The following ERBB4 variants were observed in gnomAD, a reference collection of about 807,000 sequenced individuals.
ERBB4 encodes the protein erb-b2 receptor tyrosine kinase 4.
Under a neutral mutation model 158.0 loss-of-function variants are expected in ERBB4, and 42 were observed. That is an observed-to-expected ratio of 0.27 (90% CI 0.21 to 0.34). The LOEUF is 0.34. Ranked by LOEUF, ERBB4 falls within the 10% of genes least tolerant of loss-of-function variation. The probability of loss-of-function intolerance (pLI) is 1.00; values close to 1 mark genes in which losing one functional copy is unlikely to be tolerated. For synonymous variants in ERBB4, 583 were observed against 558.7 expected (o/e 1.04, Z -0.61); for missense variants, 1,333 against 1,624.1 (o/e 0.82, Z 3.08).
intron 20 of ERBB4, among the ~76,000 whole-genome samples, chr2:211,517,580 G>C (rs546756474): frequency 1.8e-4 from 28 of 152,208 alleles, no homozygotes; most frequent in African/African-American, 6.3e-4. Context: ...CATGGTCCCT[G>C]CCTTCATAAA....
intron 20 of ERBB4, among the ~76,000 whole-genome samples, chr2:211,541,357 T>A (rs2066804172): frequency 6.6e-6 from 1 of 151,932 alleles, no homozygotes; most frequent in Admixed American, 6.6e-5. Flanking sequence ...CCTACTCAGG[T>A]TTTAAAGTCC....
In ERBB4 at chr2:212,143,220, A is replaced by T. The variant is rs372522236; in HGVS notation, c.83-18317T>A. On this transcript the variant is annotated intron_variant, in intron 1 of 27. Coordinates refer to ENST00000342788, the MANE Select transcript of ERBB4 (RefSeq NM_005235.3). ...TAATTTAACTGTTTTGTCAATTCAG[A>T]TTTCAAAGATCATGCTTGCTTAAAT... Among the ~76,000 whole-genome samples the T allele has an allele frequency of 1.1e-4, 16 of 152,276 alleles. No individual in the cohort carries two copies. In the East Asian group the frequency reaches 3.1e-3, roughly 29 times the overall value.
At chr2:212,519,478 A>G (rs999806156) in intron 1 of ERBB4, among the ~76,000 whole-genome samples, 1 of 151,908 alleles carries the variant, frequency 6.6e-6, no homozygotes, top group Non-Finnish European at 1.5e-5. Context: ...GATAAAGGAT[A>G]AATAAAATGG....
At chr2:212,314,995 T>A (rs1316443478) in intron 1 of ERBB4, among the ~76,000 whole-genome samples, 1 of 151,312 alleles carries the variant, frequency 6.6e-6, no homozygotes, top group Non-Finnish European at 1.5e-5. Flanking sequence ...TAGTCACAGC[T>A]TGAGGTATCT....
chr2:211,821,843 A>T (rs542512753), intron 3 of ERBB4, among the ~76,000 whole-genome samples: 1 of 152,136 alleles, frequency 6.6e-6, no homozygotes, highest in East Asian at 1.9e-4. Context: ...CTCATGCTAG[A>T]TATAGTTAAT....
rs1261797900 is a variant in ERBB4 at position 211,375,718 on chromosome 2, A to C, written c.*7897T>G. ...TAACAAATTTCTGACACAAAAGAGAACGTTTGTTTCATATTTTATTGAATT... is the reference window on the plus strand; with the variant it reads ...TAACAAATTTCTGACACAAAAGAGACCGTTTGTTTCATATTTTATTGAATT... On this transcript the variant is annotated 3_prime_UTR_variant, in exon 28 of 28. Coordinates refer to ENST00000342788, the MANE Select transcript of ERBB4 (RefSeq NM_005235.3). The C allele has an allele frequency of 1.8e-5, 4 of 225,120 alleles. No homozygotes were observed. The highest frequency in any genetic ancestry group is 3.5e-5 in the Non-Finnish European group (4 of 112,754). 13.9% of individuals were successfully genotyped at this position (225,120 alleles called of 1,614,324 possible). A position where few individuals can be genotyped will look rare whatever the true frequency, so the allele number is the denominator to read the frequency against.
chr2:211,726,619 C>A, intron 5 of ERBB4, among the ~76,000 whole-genome samples: 1 of 152,264 alleles, frequency 6.6e-6, no homozygotes, highest in East Asian at 1.9e-4. Flanking sequence ...AAATATTCCT[C>A]AGTACTTTCC....
chr2:211,582,726 T>C (rs2068141778), intron 19 of ERBB4, among the ~76,000 whole-genome samples: 1 of 152,166 alleles, frequency 6.6e-6, no homozygotes, highest in Admixed American at 6.5e-5. Context: ...TTCTTCATCT[T>C]TTAGCTATTT....
intron 1 of ERBB4, among the ~76,000 whole-genome samples, chr2:212,154,360 A>C (rs1414788567): frequency 6.6e-6 from 1 of 152,170 alleles, no homozygotes; most frequent in African/African-American, 2.4e-5. Flanking sequence ...TAAATTAAGG[A>C]AGCTGGGGAT....
chr2:212,333,388 T>TAC (rs2088274577), intron 1 of ERBB4, among the ~76,000 whole-genome samples: 1 of 151,182 alleles, frequency 6.6e-6, no homozygotes, highest in South Asian at 2.1e-4. Context: ...AATATATATA[T>TAC]ATATTTCAGG....
intron 23 of ERBB4, among the ~76,000 whole-genome samples, chr2:211,423,247 C>T (rs948305404): frequency 6.6e-6 from 1 of 151,890 alleles, no homozygotes; most frequent in Non-Finnish European, 1.5e-5. Flanking sequence ...GGCAGGCTGA[C>T]CTGAACTGCA....
At chr2:212,274,713 A>T (rs901444519) in intron 1 of ERBB4, among the ~76,000 whole-genome samples, 1 of 151,824 alleles carries the variant, frequency 6.6e-6, no homozygotes, top group African/African-American at 2.4e-5. Context: ...TTATGGCCAT[A>T]AATGAGAAAA....
chr2:212,270,775 C>T (rs74402268), intron 1 of ERBB4, among the ~76,000 whole-genome samples: 11 of 151,336 alleles, frequency 7.3e-5, no homozygotes, highest in African/African-American at 2.2e-4. Flanking sequence ...AGAGAGAAAG[C>T]GGGGGAAATG....
chr2:212,139,288 AACACAC>A (rs149575165), intron 1 of ERBB4, among the ~76,000 whole-genome samples: 5 of 151,580 alleles, frequency 3.3e-5, no homozygotes, highest in Admixed American at 2.6e-4. Context: ...TATTTAAAAC[AACACAC>A]ACACACACGC....
intron 1 of ERBB4, among the ~76,000 whole-genome samples, chr2:212,235,951 C>G (rs1000924650): frequency 1.3e-5 from 2 of 152,048 alleles, no homozygotes. Flanking sequence ...ATTTGAATAC[C>G]CTTTACTTCT....
intron 25 of ERBB4, among the ~76,000 whole-genome samples, chr2:211,419,835 G>A (rs1284458090): frequency 2.6e-5 from 4 of 152,024 alleles, no homozygotes; most frequent in Non-Finnish European, 1.5e-5. Context: ...AATTCATATA[G>A]AGTAGGTTTA....
chr2:211,681,939 T>C (rs34658976), intron 12 of ERBB4, among the ~76,000 whole-genome samples: 14,881 of 152,022 alleles, frequency 0.098, 768 homozygotes, highest in Admixed American at 0.15. Flanking sequence ...TTCTAAGTTT[T>C]ATAGGTTTCA....
rs116300942 is a variant in ERBB4 at position 211,489,383 on chromosome 2, G to A, written c.2488-58283C>T. Among the ~76,000 whole-genome samples, 1,286 of 152,016 alleles carry A rather than the reference G, an allele frequency of 8.5e-3. 24 individuals carry two copies. Among genetic ancestry groups the A allele is most frequent in the African/African-American group, 0.03 (1,230 of 41,518 alleles). ...ACTTAATAGGCATATGACTTTAGGCGGCTTCCTCAATTGCAAATTTGGGAT... is the reference window on the plus strand; with the variant it reads ...ACTTAATAGGCATATGACTTTAGGCAGCTTCCTCAATTGCAAATTTGGGAT... On this transcript the variant is annotated intron_variant, in intron 20 of 27. Transcript: ENST00000342788.
At chr2:211,412,068 A>C (rs1236403272) in intron 25 of ERBB4, among the ~76,000 whole-genome samples, 1 of 151,960 alleles carries the variant, frequency 6.6e-6, no homozygotes, top group East Asian at 1.9e-4. Flanking sequence ...AGAAGATAGG[A>C]ATTTGAGAGC....
Sources: gnomAD v4.1 joint callset for allele counts (sites outside exome capture counted in the v4.1 genomes callset) on GRCh38, gnomAD v4.1.1 for gene constraint, MANE v1.5 for transcripts, NCBI Gene and HGNC (gene_info 2026-07-23, HGNC 2026-07-21) for gene names.